Variants in MACROD2 observed in about 807,000 individuals in gnomAD.
The protein encoded by MACROD2 is ADP-ribose glycohydrolase MACROD2.
MACROD2 carries 36 observed loss-of-function variants against 70.4 expected under a neutral mutation model. The observed-to-expected ratio is 0.51, with a 90% CI of 0.39 to 0.68. MACROD2 has a LOEUF of 0.68. Ranked by LOEUF, MACROD2 falls within the 30% of genes least tolerant of loss-of-function variation. MACROD2 has a pLI of 0.00. For synonymous variants in MACROD2, 172 were observed against 178.8 expected (o/e 0.96, Z 0.30); for missense variants, 496 against 538.4 (o/e 0.92, Z 0.78).
intron 2 of MACROD2, among the ~76,000 whole-genome samples, chr20:14,079,513 AT>A (rs1219873189): frequency 2.0e-5 from 3 of 152,152 alleles, no homozygotes; most frequent in Non-Finnish European, 2.9e-5. Flanking sequence ...ACTCATGACA[AT>A]TTAGTAGGTT....
intron 8 of MACROD2, among the ~76,000 whole-genome samples, chr20:15,741,532 C>T (rs932274114): frequency 5.3e-5 from 8 of 152,072 alleles, no homozygotes; most frequent in Non-Finnish European, 2.9e-5. Context: ...CAGTATGGAA[C>T]CCTCTGTCCT....
intron 6 of MACROD2, among the ~76,000 whole-genome samples, chr20:15,354,667 A>C (rs1025783318): frequency 1.3e-5 from 2 of 152,212 alleles, no homozygotes; most frequent in African/African-American, 2.4e-5. Context: ...AGTTTTAGGC[A>C]TAAAGACATA....
intron 5 of MACROD2, among the ~76,000 whole-genome samples, chr20:14,945,485 A>G (rs2074424386): frequency 6.6e-6 from 1 of 152,100 alleles, no homozygotes; most frequent in Admixed American, 6.6e-5. Context: ...TAAGGGTGTG[A>G]TTGTCCACTT....
chr20:14,132,672 C>G (rs1048695183), intron 3 of MACROD2, among the ~76,000 whole-genome samples: 1 of 152,080 alleles, frequency 6.6e-6, no homozygotes, highest in African/African-American at 2.4e-5. Flanking sequence ...AGATTTTACT[C>G]TGGTGCCCAG....
intron 4 of MACROD2, among the ~76,000 whole-genome samples, chr20:14,661,751 T>C (rs1192763088): frequency 6.6e-6 from 1 of 152,094 alleles, no homozygotes; most frequent in Non-Finnish European, 1.5e-5. Context: ...TATTCCTATA[T>C]TTTATTAATA....
intron 4 of MACROD2, among the ~76,000 whole-genome samples, chr20:14,581,432 C>G (rs1162680500): frequency 6.6e-6 from 1 of 152,162 alleles, no homozygotes; most frequent in Non-Finnish European, 1.5e-5. Context: ...TTTCTTCATT[C>G]ATTGTATTAT....
intron 3 of MACROD2, among the ~76,000 whole-genome samples, chr20:14,333,475 C>T (rs559214209): frequency 1.3e-5 from 2 of 152,114 alleles, no homozygotes; most frequent in East Asian, 3.9e-4. Flanking sequence ...GTTGTAAGAA[C>T]GAGTAAGATA....
chr20:14,328,334 T>C (rs953788866), intron 3 of MACROD2, among the ~76,000 whole-genome samples: 2 of 152,122 alleles, frequency 1.3e-5, no homozygotes, highest in African/African-American at 4.8e-5. Context: ...TTTTGTTATA[T>C]GTTTCATACT....
intron 2 of MACROD2, among the ~76,000 whole-genome samples, chr20:14,078,404 C>T (rs1403996174): frequency 2.0e-5 from 3 of 151,996 alleles, no homozygotes; most frequent in African/African-American, 7.2e-5. Flanking sequence ...TAAATGAATT[C>T]TTTTTTTGTT....
At chr20:14,640,387 C>A (rs1238168336) in intron 4 of MACROD2, among the ~76,000 whole-genome samples, 1 of 152,154 alleles carries the variant, frequency 6.6e-6, no homozygotes, top group Admixed American at 6.5e-5. Context: ...TGGGAAGATT[C>A]ACTCAGAGAT....
At chr20:14,127,141 C>G (rs1374799529) in intron 3 of MACROD2, among the ~76,000 whole-genome samples, 1 of 152,148 alleles carries the variant, frequency 6.6e-6, no homozygotes, top group Non-Finnish European at 1.5e-5. Flanking sequence ...AAGTGCTACT[C>G]CAGTGAACAC....
At chr20:14,337,410 G>A in intron 3 of MACROD2, 1 of 365,982 alleles carries the variant, frequency 2.7e-6, no homozygotes, top group Non-Finnish European at 4.8e-6. Flanking sequence ...TTACCAGGAA[G>A]ACGAGAAAAA....
chr20:15,557,864 C>G lies in MACROD2; in HGVS notation c.645+58017C>G, dbSNP rs140520818. ...TCGGGCAATCTGGCACATTTTGCTCCTTTGTTCATCCCCAGCCATGTTATG... is the reference window on the plus strand; with the variant it reads ...TCGGGCAATCTGGCACATTTTGCTCGTTTGTTCATCCCCAGCCATGTTATG... On this transcript the variant is annotated intron_variant, in intron 8 of 17. Coordinates refer to ENST00000684519, the MANE Select transcript of MACROD2 (RefSeq NM_001351661.2). Among the ~76,000 whole-genome samples the G allele has an allele frequency of 2.0e-4, 31 of 152,260 alleles. No homozygotes were observed. The East Asian group carries it at 5.6e-3, about 28-fold the overall frequency.
intron 8 of MACROD2, among the ~76,000 whole-genome samples, chr20:15,780,575 A>T (rs2051814418): frequency 6.6e-6 from 1 of 152,194 alleles, no homozygotes; most frequent in South Asian, 2.1e-4. Flanking sequence ...TTGTAGCTCT[A>T]GTGAAAGTTT....
At chr20:15,697,264 T>C (rs912705239) in intron 8 of MACROD2, among the ~76,000 whole-genome samples, 1 of 152,188 alleles carries the variant, frequency 6.6e-6, no homozygotes, top group African/African-American at 2.4e-5. Flanking sequence ...ATTATTGTCA[T>C]TCAGTTCGAA....
At chr20:13,996,024 C>T (rs1012846381) in intron 1 of MACROD2, among the ~76,000 whole-genome samples, 2 of 152,148 alleles carry the variant, frequency 1.3e-5, no homozygotes. Context: ...AGCTCGCGCA[C>T]GTGTGGGCGC....
chr20:15,879,147 A>G (rs1315970754), intron 9 of MACROD2, among the ~76,000 whole-genome samples: 2 of 152,096 alleles, frequency 1.3e-5, no homozygotes, highest in Non-Finnish European at 2.9e-5. Context: ...CTCTCTATTT[A>G]GAAATAGTAT....
intron 8 of MACROD2, among the ~76,000 whole-genome samples, chr20:15,753,401 T>TCC (rs2051301868): frequency 6.6e-6 from 1 of 152,206 alleles, no homozygotes; most frequent in African/African-American, 2.4e-5. Flanking sequence ...ATTCACTTAG[T>TCC]ATAATGGCCT....
At chr20:15,462,011 G>A (rs954258438) in intron 7 of MACROD2, among the ~76,000 whole-genome samples, 20 of 152,010 alleles carry the variant, frequency 1.3e-4, no homozygotes, top group African/African-American at 4.3e-4. Context: ...ACTCACAACT[G>A]GTGGTATTTT....
Sources: allele counts gnomAD v4.1 joint callset (sites outside exome capture counted in the v4.1 genomes callset), GRCh38; gene constraint gnomAD v4.1.1; transcripts MANE v1.5; gene names NCBI Gene and HGNC (gene_info 2026-07-23, HGNC 2026-07-21).